The following BICRA variants were observed in gnomAD, a reference collection of about 807,000 sequenced individuals.
BICRA encodes BRD4-interacting chromatin-remodeling complex-associated protein.
Under a neutral mutation model 96.9 loss-of-function variants are expected in BICRA, and 31 were observed. The ratio of observed to expected loss-of-function variants is 0.32; its 90% CI spans 0.24 to 0.43. The LOEUF (loss-of-function observed/expected upper bound fraction) is 0.43, where lower values mean the gene tolerates loss of function less well. Ranked by LOEUF, BICRA falls within the 20% of genes least tolerant of loss-of-function variation. The pLI, the probability that BICRA is intolerant of heterozygous loss-of-function variation, is 1.00. For synonymous variants in BICRA, 1,350 were observed against 1,071.8 expected (o/e 1.26, Z -5.07); for missense variants, 2,283 against 2,190.3 (o/e 1.04, Z -0.84).
chr19:47,682,080 C>T lies in BICRA; in HGVS notation c.2211C>T (p.Thr737=), dbSNP rs1318904366. Reference sequence around the variant, plus strand: ...CCGCCCAAGACCCAGCCCCAGCCACCCCCGTCGCCAAAGGAGCTGGCCTCG... The same window carrying T: ...CCGCCCAAGACCCAGCCCCAGCCACTCCCGTCGCCAAAGGAGCTGGCCTCG... ...PPPAQDPAPA[T]PVAKGAGLGP... The change falls in exon 7 of 15, where the codon ACC becomes ACT. Residue 737 remains threonine (T), a synonymous_variant. Coordinates refer to ENST00000594866, the MANE Select transcript of BICRA (RefSeq NM_001394372.1). The T allele has an allele frequency of 2.6e-6, 4 of 1,518,446 alleles. No individual in the cohort carries two copies. The highest frequency in any genetic ancestry group is 3.6e-6 in the Non-Finnish European group (4 of 1,119,160). 94.1% of individuals were successfully genotyped at this position (1,518,446 alleles called of 1,614,324 possible).
chr19:47,695,342 T>TCGCCCCCCCCCCCCCCCCCCCCCCCCCCC, intron 9 of BICRA, 23 bp from the exon 10 acceptor site: 1 of 630,200 alleles, frequency 1.6e-6, no homozygotes, highest in East Asian at 2.8e-5. Flanking sequence ...AGGCCCTGTC[T>TCGCCCCCCCCCCCCCCCCCCCCCCCCCCC]CCCCCACCCC....
Position 47,699,415 on chromosome 19 carries a change from GGGAGTGAGAGGGGA to G in BICRA, c.3595+13_3595+26del. ...GCCAAGGAGAAGCCGGGTGAGAGGG[GGGAGTGAGAGGGGA>G]GGGGAGGGAGAGGTGCCCCCACCCC... On this transcript the variant is annotated intron_variant, in intron 14 of 14. Transcript: ENST00000594866. The surrounding 1 kb of genome is among the most constrained non-coding windows in gnomAD (Gnocchi z 5.0). 6.8e-7 allele frequency: 1 copy of G among 1,461,912 alleles called. No individual in the cohort carries two copies. The highest frequency in any genetic ancestry group is 9.4e-7 in the Non-Finnish European group (1 of 1,064,432). 90.6% of individuals were successfully genotyped at this position (1,461,912 alleles called of 1,614,324 possible). A position where few individuals can be genotyped will look rare whatever the true frequency, so the allele number is the denominator to read the frequency against.
intron 1 of BICRA, among the ~76,000 whole-genome samples, chr19:47,660,046 G>A (rs978159388): frequency 4.1e-4 from 63 of 152,150 alleles, no homozygotes; most frequent in African/African-American, 1.4e-3. Context: ...TCCCATTGTC[G>A]CTGTAACAAA....
chr19:47,649,003 C>G (rs1358091105), intron 1 of BICRA, among the ~76,000 whole-genome samples: 2 of 151,878 alleles, frequency 1.3e-5, no homozygotes, highest in East Asian at 1.9e-4. Context: ...AGGCACCCAC[C>G]ACCACACCTG....
Position 47,649,042 on chromosome 19 carries a change from G to A in BICRA, c.-107-21401G>A, listed in dbSNP as rs143224804. 7.2e-3 allele frequency among the ~76,000 whole-genome samples: 1,088 copies of A among 152,104 alleles called. 22 individuals are homozygous for A. Among genetic ancestry groups the A allele is most frequent in the African/African-American group, 0.024 (1,013 of 41,462 alleles). On this transcript the variant is annotated intron_variant, in intron 1 of 14. Transcript: ENST00000594866. ...AATTTTTTGTATTTTTAGTACAGAC[G>A]GGGTTTCACCATGTTAGCTATGATG...
chr19:47,635,445 G>A (rs932211655), intron 1 of BICRA, among the ~76,000 whole-genome samples: 3 of 151,746 alleles, frequency 2.0e-5, no homozygotes, highest in Admixed American at 2.0e-4. Context: ...TAGAGACAGG[G>A]TCTCACTATG....
intron 1 of BICRA, among the ~76,000 whole-genome samples, chr19:47,635,488 A>G (rs1486310828): frequency 6.6e-6 from 1 of 151,198 alleles, no homozygotes; most frequent in African/African-American, 2.4e-5. Context: ...CCTGGGCTCA[A>G]GCTATCCACC....
intron 1 of BICRA, among the ~76,000 whole-genome samples, chr19:47,644,932 C>T (rs1271153551): frequency 6.6e-6 from 1 of 152,248 alleles, no homozygotes; most frequent in Admixed American, 6.5e-5. Context: ...CTCTTTCTCT[C>T]TCTGTCCTGT....
At position 47,685,782 on chromosome 19, in the gene BICRA, T is replaced by TGCGCGCGCGCGC. The variant is rs1204894941; in HGVS notation, c.2283+3631_2283+3632insCGCGCGCGCGCG. ...GTGTGTGTGTGTGTGTGTGTGTGTG[T>TGCGCGCGCGCGC]GTGTGCGCGCGCGCGCGCATGCGTA... On this transcript the variant is annotated intron_variant, in intron 7 of 14. Transcript: ENST00000594866. Among the ~76,000 whole-genome samples, 11 of 124,838 alleles carry TGCGCGCGCGCGC rather than the reference T, an allele frequency of 8.8e-5. No homozygotes were observed. In the East Asian group the frequency reaches 9.1e-4, roughly 10 times the overall value. 81.9% of individuals were successfully genotyped at this position (124,838 alleles called of 152,430 possible). A position where few individuals can be genotyped will look rare whatever the true frequency, so the allele number is the denominator to read the frequency against.
At chr19:47,639,519 C>T (rs371629693) in intron 1 of BICRA, among the ~76,000 whole-genome samples, 35 of 151,202 alleles carry the variant, frequency 2.3e-4, no homozygotes, top group African/African-American at 7.5e-4. Context: ...TTAGTAGAGA[C>T]GGGGTTTCAC....
intron 1 of BICRA, among the ~76,000 whole-genome samples, chr19:47,613,149 G>T (rs553448579): frequency 3.0e-4 from 45 of 152,128 alleles, no homozygotes; most frequent in Admixed American, 9.2e-4. Flanking sequence ...GGTGGGGTGT[G>T]CCCCAGGCTG....
At chr19:47,620,768 A>G (rs1599784027) in intron 1 of BICRA, among the ~76,000 whole-genome samples, 1 of 151,876 alleles carries the variant, frequency 6.6e-6, no homozygotes, top group South Asian at 2.1e-4. Flanking sequence ...ACACAGACCA[A>G]ACTCCTGGGA....
Position 47,699,280 on chromosome 19 carries a change from C to CTCA in BICRA, c.3493-23_3493-22insTCA. On this transcript the variant is annotated intron_variant, in intron 13 of 14. Transcript: ENST00000594866. The surrounding 1 kb of genome is among the most constrained non-coding windows in gnomAD (Gnocchi z 5.0). ...CCCCCTTCTTGCTGGTTCACTCGCA[C>CTCA]GTCGTCTTTTCCCCCACCCCAGAGG... The CTCA allele has an allele frequency of 7.2e-7, 1 of 1,384,518 alleles. No individual in the cohort carries two copies. Among genetic ancestry groups the CTCA allele is most frequent in the Non-Finnish European group, 1.0e-6 (1 of 993,778 alleles). 85.8% of individuals were successfully genotyped at this position (1,384,518 alleles called of 1,614,324 possible).
intron 10 of BICRA, among the ~76,000 whole-genome samples, chr19:47,695,682 G>A (rs371336550): frequency 5.9e-5 from 9 of 152,260 alleles, no homozygotes; most frequent in South Asian, 4.1e-4. Context: ...GGAGAAACAC[G>A]GAGACGGTGG....
Position 47,702,424 on chromosome 19 carries a change from C to CG in BICRA, c.*10dup, listed in dbSNP as rs768510126. The CG allele has an allele frequency of 4.7e-6, 7 of 1,481,558 alleles. No homozygotes were observed. The South Asian group carries it at 9.3e-5, about 20-fold the overall frequency. The allele number at this position is 1,481,558 out of a possible 1,614,324, so 91.8% of individuals were successfully genotyped here. A position where few individuals can be genotyped will look rare whatever the true frequency, so the allele number is the denominator to read the frequency against. On this transcript the variant is annotated 3_prime_UTR_variant, in exon 15 of 15. Transcript: ENST00000594866. Reference sequence around the variant, plus strand: ...GGACGTTGACCAGATAACACCGGGCCGCCTCCCCTTCCCCGTCCCCTCCTC... The same window carrying CG: ...GGACGTTGACCAGATAACACCGGGCCGGCCTCCCCTTCCCCGTCCCCTCCTC...
intron 11 of BICRA, among the ~76,000 whole-genome samples, chr19:47,697,179 G>A (rs1216915607): frequency 6.6e-6 from 1 of 151,952 alleles, no homozygotes; most frequent in Admixed American, 6.6e-5. Context: ...GCTAATTTTT[G>A]TATTTTTAGT....
chr19:47,702,178 G>T lies in BICRA; in HGVS notation c.4446G>T (p.Val1482=). The change falls in exon 15 of 15, where the codon GTG becomes GTT. Residue 1482 remains valine, a synonymous_variant. Transcript: ENST00000594866. ...GGCGCAAGTCCGAGTCGCCCGACGT[G>T]GACCAGGCCAGCTTCTCCAGCGACA... ...AKRRKSESPD[V]DQASFSSDSP... 1 of 1,585,566 alleles carries T rather than the reference G, an allele frequency of 6.3e-7. No individual in the cohort carries two copies.
At position 47,673,091 on chromosome 19, in the gene BICRA, C is replaced by G. The variant is rs141939559; in HGVS notation, c.-5-479C>G. 2.7e-3 allele frequency among the ~76,000 whole-genome samples: 404 copies of G among 152,224 alleles called. 2 individuals are homozygous for G. Among genetic ancestry groups the G allele is most frequent in the Middle Eastern group, 0.01 (3 of 294 alleles). ...TGTAGGACAGACCCCCACCACACGC[C>G]TCATGTCTGGGGAGGCAGGACAGCA... On this transcript the variant is annotated intron_variant, in intron 2 of 14. Transcript: ENST00000594866.
intron 2 of BICRA, among the ~76,000 whole-genome samples, chr19:47,672,040 G>C (rs1400409291): frequency 7.4e-5 from 11 of 148,888 alleles, no homozygotes; most frequent in Non-Finnish European, 1.6e-4. Context: ...TGGAGGGATG[G>C]GTGGGTAGAT....
Sources: gnomAD v4.1 joint callset for allele counts (sites outside exome capture counted in the v4.1 genomes callset) on GRCh38, gnomAD v4.1.1 for gene constraint, Gnocchi (gnomAD v3.1) non-coding constraint, MANE v1.5 for transcripts, NCBI Gene and HGNC (gene_info 2026-07-23, HGNC 2026-07-21) for gene names.